The following FOXRED2 variants were observed in gnomAD, a reference collection of about 807,000 sequenced individuals.
The protein encoded by FOXRED2 is FAD dependent oxidoreductase domain containing 2.
Under a neutral mutation model 52.5 loss-of-function variants are expected in FOXRED2, and 32 were observed. That is an observed-to-expected ratio of 0.61 (90% CI 0.46 to 0.82). The LOEUF is 0.82. Ranked by LOEUF, FOXRED2 falls within the 40% of genes least tolerant of loss-of-function variation. FOXRED2 has a pLI of 0.00. For synonymous variants in FOXRED2, 405 were observed against 398.1 expected, an observed-to-expected ratio of 1.02 and a Z score of -0.21; for missense variants, 848 against 937.5, an observed-to-expected ratio of 0.90 and a Z score of 1.25.
intron 8 of FOXRED2, among the ~76,000 whole-genome samples, chr22:36,493,165 G>A (rs961810945): frequency 6.6e-6 from 1 of 152,216 alleles, no homozygotes; most frequent in South Asian, 2.1e-4. Context: ...ATTATCAGCT[G>A]GGTGCGGTGG....
At chr22:36,501,741 G>A (rs1449093878) in intron 4 of FOXRED2, among the ~76,000 whole-genome samples, 5 of 152,074 alleles carry the variant, frequency 3.3e-5, no homozygotes, top group Admixed American at 1.3e-4. Context: ...GATTACAAGC[G>A]CGAGCCACTG....
chr22:36,489,965 T>C lies in FOXRED2; in HGVS notation c.*43A>G, dbSNP rs769516337. On this transcript the variant is annotated 3_prime_UTR_variant, in exon 9 of 9. Coordinates refer to ENST00000397224, the MANE Select transcript of FOXRED2 (RefSeq NM_001102371.2). ...AAGAGGGACTGACCATGGGCCTAGGTGGGGAGGCCTGGCCACTGTGCCCAC... is the reference window on the plus strand; with the variant it reads ...AAGAGGGACTGACCATGGGCCTAGGCGGGGAGGCCTGGCCACTGTGCCCAC... 2 of 1,508,972 alleles carry C rather than the reference T, an allele frequency of 1.3e-6. No homozygotes were observed. The highest frequency in any genetic ancestry group is 2.8e-5 in the African/African-American group (2 of 71,536). 93.5% of individuals were successfully genotyped at this position (1,508,972 alleles called of 1,614,324 possible).
rs955476949 is a variant in FOXRED2 at position 36,504,386 on chromosome 22, C to T, written c.780-19G>A. On this transcript the variant is annotated intron_variant, in intron 3 of 8. Transcript: ENST00000397224. ...GATGGCTCTGAGCCCACAGAGAATG[C>T]AGGGGAGAGAGACTCAGAGGAAAGC... The T allele has an allele frequency of 2.5e-6, 4 of 1,612,396 alleles. No homozygotes were observed. The African/African-American group carries it at 4.0e-5, about 16-fold the overall frequency.
intron 5 of FOXRED2, among the ~76,000 whole-genome samples, chr22:36,498,790 G>T (rs770980864): frequency 6.7e-6 from 1 of 148,926 alleles, no homozygotes; most frequent in Non-Finnish European, 1.5e-5. Context: ...GGCTCACCGC[G>T]ACCTCCGCCT....
Position 36,506,067 on chromosome 22 carries a change from A to G in FOXRED2, c.356T>C (p.Phe119Ser). 6.2e-7 allele frequency: 1 copy of G among 1,614,174 alleles called. No individual in the cohort carries two copies. The highest frequency in any genetic ancestry group is 1.1e-5 in the South Asian group (1 of 91,082). Residue 119 changes from phenylalanine to serine, a missense_variant, in exon 2 of 9, where the codon TTC becomes TCC. Phe to Ser is a radical substitution (Grantham distance 155). Transcript: ENST00000397224. ...GCGCACCATGTCGCGGGCGTCGGGG[A>G]AGTAGGCACGCGAGTAGTGTCTGAA... ...LLFRHYSRAYFPDARDMVRYL... is the reference protein window; with the variant it reads ...LLFRHYSRAYSPDARDMVRYL...
rs1033199040 is a variant in FOXRED2 at position 36,497,891 on chromosome 22, A to G, written c.1382+100T>C. On this transcript the variant is annotated intron_variant, in intron 6 of 8. Transcript: ENST00000397224. Reference sequence around the variant, plus strand: ...TCCCCACAGCAGCCTTCATCTTAGGAAAGAACTGGGCACCTCACACCTGGA... The same window carrying G: ...TCCCCACAGCAGCCTTCATCTTAGGGAAGAACTGGGCACCTCACACCTGGA... 6.1e-6 allele frequency: 8 copies of G among 1,313,982 alleles called. No homozygotes were observed. In the African/African-American group the frequency reaches 8.8e-5, roughly 14 times the overall value. 81.4% of individuals were successfully genotyped at this position (1,313,982 alleles called of 1,614,324 possible).
rs369194809 is a variant in FOXRED2 at position 36,487,745 on chromosome 22, A to G, written c.*2263T>C. The G allele has an allele frequency of 2.1e-4, 32 of 152,226 alleles. No homozygotes were observed. The highest frequency in any genetic ancestry group is 9.7e-4 in the East Asian group (5 of 5,178). 9.4% of individuals were successfully genotyped at this position (152,226 alleles called of 1,614,324 possible). A position where few individuals can be genotyped will look rare whatever the true frequency, so the allele number is the denominator to read the frequency against. ...AGGCTACTGGAGTTCTCTTCTTGTA[A>G]CTCTGGGAAGGACTAGAGGGAACTG... is the stretch of plus-strand genomic sequence containing the variant. On this transcript the variant is annotated 3_prime_UTR_variant, in exon 9 of 9. Coordinates refer to ENST00000397224, the MANE Select transcript of FOXRED2 (RefSeq NM_001102371.2).
Position 36,505,887 on chromosome 22 carries a change from C to T in FOXRED2, c.527+9G>A, listed in dbSNP as rs373476529. On this transcript the variant is annotated intron_variant, in intron 2 of 8. Coordinates refer to ENST00000397224, the MANE Select transcript of FOXRED2 (RefSeq NM_001102371.2). ...AGCTTCCGCAGGTGAGCTCTGGCAC[C>T]GGCCTTACCTGCACTGATGCACCTG... 216 of 1,602,464 alleles carry T rather than the reference C, an allele frequency of 1.3e-4. No homozygotes were observed. The highest frequency in any genetic ancestry group is 4.0e-4 in the Admixed American group (24 of 59,826).
Position 36,506,265 on chromosome 22 carries a change from C to T in FOXRED2, c.158G>A (p.Gly53Glu), listed in dbSNP as rs1934194178. The T allele has an allele frequency of 1.2e-6, 2 of 1,608,600 alleles. No individual in the cohort carries two copies. Among genetic ancestry groups the T allele is most frequent in the Non-Finnish European group, 1.7e-6 (2 of 1,177,112 alleles). The part of the protein sequence containing the change: ...LQMAYFLQRA[G>E]RDYAVFERAP... ...CCGCTCGAACACTGCGTAGTCGCGT[C>T]CAGCGCGCTGCAGGAAGTAGGCCAT... Residue 53 changes from glycine (G) to glutamate (E), a missense_variant, in exon 2 of 9, where the codon GGA becomes GAA. Transcript: ENST00000397224.
In FOXRED2 at chr22:36,487,492, G is replaced by A. The variant is rs1417474999; in HGVS notation, c.*2516C>T. Reference sequence around the variant, plus strand: ...AGGTCAGAGCAGGTGACAGAGGCTAGGAGGGGATTGTTTACTGAAACTAGG... The same window carrying A: ...AGGTCAGAGCAGGTGACAGAGGCTAAGAGGGGATTGTTTACTGAAACTAGG... On this transcript the variant is annotated 3_prime_UTR_variant, in exon 9 of 9. Coordinates refer to ENST00000397224, the MANE Select transcript of FOXRED2 (RefSeq NM_001102371.2). 6.6e-6 allele frequency: 1 copy of A among 152,232 alleles called. No homozygotes were observed. Among genetic ancestry groups the A allele is most frequent in the African/African-American group, 2.4e-5 (1 of 41,450 alleles). 9.4% of individuals were successfully genotyped at this position (152,232 alleles called of 1,614,324 possible).
At chr22:36,499,904 T>G (rs1012992776) in intron 5 of FOXRED2, among the ~76,000 whole-genome samples, 3 of 152,130 alleles carry the variant, frequency 2.0e-5, no homozygotes, top group Non-Finnish European at 4.4e-5. Context: ...AAGGTTCAAG[T>G]GATTCTCTTG....
intron 5 of FOXRED2, among the ~76,000 whole-genome samples, chr22:36,499,835 C>A (rs994526032): frequency 4.6e-5 from 7 of 152,012 alleles, no homozygotes; most frequent in Admixed American, 4.6e-4. Context: ...GAGTTTCACT[C>A]TTTTTGCCCA....
chr22:36,497,444 C>T (rs967417438), intron 6 of FOXRED2, among the ~76,000 whole-genome samples: 3 of 152,192 alleles, frequency 2.0e-5, no homozygotes, highest in African/African-American at 4.8e-5. Flanking sequence ...TATAGCACGC[C>T]CTGCCTTTGG....
At chr22:36,503,601 G>A (rs1056028663) in intron 4 of FOXRED2, among the ~76,000 whole-genome samples, 2 of 152,008 alleles carry the variant, frequency 1.3e-5, no homozygotes, top group African/African-American at 2.4e-5. Context: ...GTGAGCCACC[G>A]CACCCAGCCT....
chr22:36,490,357 G>A (rs1933724755), intron 8 of FOXRED2, 90 bp from the exon 9 acceptor site: 1 of 1,406,496 alleles, frequency 7.1e-7, no homozygotes, highest in Admixed American at 2.1e-5. Context: ...AGGTGTGGGG[G>A]CTTCACTGCA....
rs8139156 is a variant in FOXRED2 at position 36,491,582 on chromosome 22, T to C, written c.1796-1315A>G. Among the ~76,000 whole-genome samples the C allele has an allele frequency of 2.4e-3, 368 of 152,146 alleles. 4 individuals carry two copies. Among genetic ancestry groups the C allele is most frequent in the African/African-American group, 8.2e-3 (342 of 41,524 alleles). ...CACGCTCAGCTAATTTTTGTGTTTTTTAAGTAGGGAGAGGGTTTCACCATG... is the reference window on the plus strand; with the variant it reads ...CACGCTCAGCTAATTTTTGTGTTTTCTAAGTAGGGAGAGGGTTTCACCATG... On this transcript the variant is annotated intron_variant, in intron 8 of 8. Transcript: ENST00000397224.
chr22:36,498,399 C>G, intron 5 of FOXRED2: 1 of 511,380 alleles, frequency 2.0e-6, no homozygotes. Context: ...GTGGGTCATA[C>G]ACGACTCAGT....
chr22:36,496,875 G>A (rs1933913807), intron 6 of FOXRED2, among the ~76,000 whole-genome samples: 1 of 152,136 alleles, frequency 6.6e-6, no homozygotes, highest in African/African-American at 2.4e-5. Flanking sequence ...CCCATGGTTT[G>A]CATGTGGGGT....
rs1205088821 is a variant in FOXRED2 at position 36,506,066 on chromosome 22, G to A, written c.357C>T (p.Phe119=). The A allele has an allele frequency of 6.2e-7, 1 of 1,614,142 alleles. No individual in the cohort carries two copies. The highest frequency in any genetic ancestry group is 1.3e-5 in the African/African-American group (1 of 74,948). ...AGCGCACCATGTCGCGGGCGTCGGG[G>A]AAGTAGGCACGCGAGTAGTGTCTGA... The part of the protein sequence containing the change: ...LLFRHYSRAY[F]PDARDMVRYL... The change falls in exon 2 of 9, where the codon TTC becomes TTT. Residue 119 remains phenylalanine, a synonymous_variant. Coordinates refer to ENST00000397224, the MANE Select transcript of FOXRED2 (RefSeq NM_001102371.2).
Sources: allele counts gnomAD v4.1 joint callset (sites outside exome capture counted in the v4.1 genomes callset), GRCh38; gene constraint gnomAD v4.1.1; transcripts MANE v1.5; gene names NCBI Gene and HGNC (gene_info 2026-07-23, HGNC 2026-07-21).